SPAG5: variants seen among roughly 807,000 people sequenced by gnomAD.
The protein encoded by SPAG5 is sperm-associated antigen 5.
Under a neutral mutation model 145.4 loss-of-function variants are expected in SPAG5, and 99 were observed. That is an observed-to-expected ratio of 0.68 (90% confidence interval 0.58 to 0.80). SPAG5 has a LOEUF of 0.80. SPAG5 is among the 30% of genes least tolerant of loss of function. The pLI is 0.00. For synonymous variants in SPAG5, 477 were observed against 525.4 expected (o/e 0.91, Z 1.26); for missense variants, 1,192 against 1,416.0 (o/e 0.84, Z 2.54).
At chr17:28,588,718 T>C (rs1287119961) in intron 4 of SPAG5, among the ~76,000 whole-genome samples, 1 of 152,196 alleles carries the variant, frequency 6.6e-6, no homozygotes, top group Non-Finnish European at 1.5e-5. Flanking sequence ...AGCCTCACTC[T>C]GTTGCCCAGG....
At chr17:28,590,877 A>AAC (rs1434792883) in intron 4 of SPAG5, among the ~76,000 whole-genome samples, 2 of 150,434 alleles carry the variant, frequency 1.3e-5, no homozygotes, top group Non-Finnish European at 3.0e-5. Context: ...TCAAAAAAAA[A>AAC]AAAAAAAAAA....
In SPAG5 at chr17:28,584,468, T is replaced by C. The variant is rs2070569963; in HGVS notation, c.2174A>G (p.Gln725Arg). Reference sequence around the variant, plus strand: ...GTCCATGTTGGCCAGAATCTGCAACTGAGCCCGGAGATCTAGAACAAAAGT... The same window carrying C: ...GTCCATGTTGGCCAGAATCTGCAACCGAGCCCGGAGATCTAGAACAAAAGT... ...NSRLATDLRA[Q>R]LQILANMDSQ... Residue 725 changes from glutamine to arginine, a missense_variant, in exon 12 of 24, where the codon CAG (glutamine) becomes CGG (arginine). Gln to Arg is a conservative substitution (Grantham distance 43). This residue lies in a region of SPAG5 where 709 missense variants were observed against 840.7 expected (regional missense o/e 0.84). Transcript: ENST00000321765. 1 of 1,613,786 alleles carries C rather than the reference T, an allele frequency of 6.2e-7. No homozygotes were observed. Among genetic ancestry groups the C allele is most frequent in the Non-Finnish European group, 8.5e-7 (1 of 1,180,032 alleles).
At chr17:28,590,595 G>A (rs927258531) in intron 4 of SPAG5, among the ~76,000 whole-genome samples, 8 of 152,162 alleles carry the variant, frequency 5.3e-5, no homozygotes, top group African/African-American at 1.9e-4. Flanking sequence ...CAGGGGCCAG[G>A]CGCAGTGGCT....
intron 4 of SPAG5, among the ~76,000 whole-genome samples, chr17:28,590,177 C>T (rs1190112716): frequency 2.6e-5 from 4 of 152,108 alleles, no homozygotes; most frequent in South Asian, 4.1e-4. Context: ...CTTATTAGTT[C>T]GTATATCTGT....
chr17:28,598,527 A>G lies in SPAG5; in HGVS notation c.160T>C (p.Cys54Arg), dbSNP rs763000561. The part of the protein sequence containing the change: ...PACSSLTPSL[C>R]KLGLQEGSNN... ...AATCTCACCTGCAGCCCCAGCTTGC[A>G]CAGTGATGGGGTCAGCGAGGAGCAA... Residue 54 changes from cysteine to arginine, a missense_variant, in exon 2 of 24, where the codon TGC becomes CGC. Physicochemically the swap from Cys to Arg is radical, Grantham distance 180. This residue lies in a region of SPAG5 where 329 missense variants were observed against 354.0 expected (regional missense o/e 0.93). Transcript: ENST00000321765. 6.2e-7 allele frequency: 1 copy of G among 1,613,786 alleles called. No homozygotes were observed. Among genetic ancestry groups the G allele is most frequent in the South Asian group, 1.1e-5 (1 of 91,056 alleles).
intron 10 of SPAG5, 127 bp downstream of exon 10, chr17:28,584,975 A>C: frequency 1.1e-6 from 1 of 911,062 alleles, no homozygotes; most frequent in Non-Finnish European, 1.8e-6. Flanking sequence ...TCTTACAGCT[A>C]AGAGACCTTA....
chr17:28,598,029 A>G (rs1286094567), intron 2 of SPAG5, among the ~76,000 whole-genome samples: 1 of 152,230 alleles, frequency 6.6e-6, no homozygotes, highest in Admixed American at 6.5e-5. Flanking sequence ...TACGTCTCTC[A>G]AAACGTTTAA....
intron 22 of SPAG5, 54 bp from the exon 23 acceptor site, chr17:28,578,144 G>A (rs910041933): frequency 5.6e-6 from 9 of 1,608,928 alleles, no homozygotes; most frequent in African/African-American, 4.0e-5. Context: ...AAACTTGGTA[G>A]GACAGGGGAA....
chr17:28,591,549 GC>G, intron 4 of SPAG5, 148 bp downstream of exon 4: 1 of 742,506 alleles, frequency 1.3e-6, no homozygotes, highest in Non-Finnish European at 2.1e-6. Flanking sequence ...ACAGGCATCA[GC>G]CATTGTGACT....
At position 28,578,362 on chromosome 17, in the gene SPAG5, C is replaced by T. The variant is rs1385784936; in HGVS notation, c.3354+11G>A. The T allele has an allele frequency of 4.0e-5, 64 of 1,614,022 alleles. No homozygotes were observed. Among genetic ancestry groups the T allele is most frequent in the Non-Finnish European group, 5.3e-5 (62 of 1,179,998 alleles). ...ACCTGCTGTCCAGCTCCTCTGTTAACTCTGAGTCACCTCCTGAGAGAGCCA... is the reference window on the plus strand; with the variant it reads ...ACCTGCTGTCCAGCTCCTCTGTTAATTCTGAGTCACCTCCTGAGAGAGCCA... On this transcript the variant is annotated intron_variant, in intron 21 of 23. Transcript: ENST00000321765.
chr17:28,593,099 C>G, intron 2 of SPAG5, 33 bp from the exon 3 acceptor site: 1 of 1,597,740 alleles, frequency 6.3e-7, no homozygotes, highest in Non-Finnish European at 8.5e-7. Context: ...TTGTCTAAGG[C>G]AGTCAATTCA....
intron 15 of SPAG5, chr17:28,582,944 A>G (rs2070558144): frequency 6.6e-6 from 1 of 152,256 alleles, no homozygotes; most frequent in Admixed American, 6.5e-5. Context: ...AACAGTTCAA[A>G]GAAGGTAAAC....
rs1281968811 is a variant in SPAG5 at position 28,592,920 on chromosome 17, A to C, written c.324T>G (p.Ile108Met). 16 of 1,614,036 alleles carry C rather than the reference A, an allele frequency of 9.9e-6. No individual in the cohort carries two copies. Among genetic ancestry groups the C allele is most frequent in the Non-Finnish European group, 1.4e-5 (16 of 1,180,022 alleles). ...CCTCAGACGTTTTAGGAGTAGAGCT[A>C]ATTTGGGGAATTGGATCTAGAGGCT... ...DEQPLDPIPQISSTPKTSEEA... is the reference protein window; with the variant it reads ...DEQPLDPIPQMSSTPKTSEEA... The change falls in exon 3 of 24, where the codon ATT (isoleucine) becomes ATG (methionine). Residue 108 changes from isoleucine (I) to methionine (M), a missense_variant. Coordinates refer to ENST00000321765, the MANE Select transcript of SPAG5 (RefSeq NM_006461.4).
intron 15 of SPAG5, chr17:28,580,567 A>C (rs1275387427): frequency 6.6e-6 from 1 of 152,376 alleles, no homozygotes; most frequent in Non-Finnish European, 1.5e-5. Context: ...CAATGCATAT[A>C]TTTCAGCTCT....
Position 28,592,648 on chromosome 17 carries a change from GA to G in SPAG5, c.595del (p.Ser199ProfsTer4), listed in dbSNP as rs1254187670. 1 of 1,613,990 alleles carries G rather than the reference GA, an allele frequency of 6.2e-7. No homozygotes were observed. The highest frequency in any genetic ancestry group is 1.3e-5 in the African/African-American group (1 of 74,922). ...SEKPIFQESP[S>X]HLLEESPPNP... is the part of the protein sequence containing the mutation. ...TGGTGGAGACTCCTCTAAGAGATGG[GA>G]CGGAGATTCCTGAAAGATAGGTTTC... is the stretch of plus-strand genomic sequence containing the variant. On this transcript the variant is annotated frameshift_variant, in exon 3 of 24. Coordinates refer to ENST00000321765, the MANE Select transcript of SPAG5 (RefSeq NM_006461.4). LOFTEE classifies it high-confidence loss of function.
In SPAG5 at chr17:28,578,095, A is replaced by C; in HGVS notation, c.3430-5T>G. 1 of 1,614,030 alleles carries C rather than the reference A, an allele frequency of 6.2e-7. No homozygotes were observed. Among genetic ancestry groups the C allele is most frequent in the Non-Finnish European group, 8.5e-7 (1 of 1,179,864 alleles). On this transcript the variant is annotated splice_polypyrimidine_tract_variant and splice_region_variant and intron_variant, in intron 22 of 23. Coordinates refer to ENST00000321765, the MANE Select transcript of SPAG5 (RefSeq NM_006461.4). ...GTTCTCCTCTAGGATATTTCTCTAG[A>C]AAGCAAACAGATTTTATAAGTCCTA...
At chr17:28,596,665 T>A (rs2070667198) in intron 2 of SPAG5, among the ~76,000 whole-genome samples, 1 of 151,934 alleles carries the variant, frequency 6.6e-6, no homozygotes, top group Non-Finnish European at 1.5e-5. Context: ...CAAAACTGCA[T>A]CTCAAAATTA....
In SPAG5 at chr17:28,584,146, T is replaced by C. The variant is rs772276751; in HGVS notation, c.2412+4A>G. ...GCTCCCTTGGCCCAAGCCATATTCCTTACCTCCAAGGTCTCTTTCAGGTCC... is the reference window on the plus strand; with the variant it reads ...GCTCCCTTGGCCCAAGCCATATTCCCTACCTCCAAGGTCTCTTTCAGGTCC... On this transcript the variant is annotated splice_donor_region_variant and intron_variant, in intron 13 of 23. Transcript: ENST00000321765. 1.9e-6 allele frequency: 3 copies of C among 1,613,832 alleles called. No individual in the cohort carries two copies. The highest frequency in any genetic ancestry group is 2.5e-6 in the Non-Finnish European group (3 of 1,179,954).
At position 28,598,593 on chromosome 17, in the gene SPAG5, G is replaced by T. The variant is rs1230116566; in HGVS notation, c.94C>A (p.Gln32Lys). The T allele has an allele frequency of 7.4e-6, 12 of 1,612,954 alleles. No homozygotes were observed. Among genetic ancestry groups the T allele is most frequent in the Non-Finnish European group, 1.0e-5 (12 of 1,179,408 alleles). The change falls in exon 2 of 24, where the codon CAG becomes AAG. Residue 32 changes from glutamine to lysine, a missense_variant. Gln to Lys is a moderately conservative substitution (Grantham distance 53, BLOSUM62 1). Transcript: ENST00000321765. ...MRTPLRELTL[Q>K]PGALTNSGKR... ...CCAGAGTTGGTGAGGGCACCGGGCT[G>T]CAGGGTAAGTTCACGGAGAGGAGTT...
Sources: gnomAD v4.1 joint callset for allele counts (sites outside exome capture counted in the v4.1 genomes callset) on GRCh38, gnomAD v4.1.1 for gene constraint, gnomAD v4.1.1 regional missense constraint, MANE v1.5 for transcripts, NCBI Gene and HGNC (gene_info 2026-07-23, HGNC 2026-07-21) for gene names.